The following DLG2 variants were observed in gnomAD, a reference collection of about 807,000 sequenced individuals.
DLG2 encodes the protein discs large MAGUK scaffold protein 2.
Under a neutral mutation model 132.5 loss-of-function variants are expected in DLG2, and 45 were observed. The observed-to-expected ratio is 0.34, with a 90% CI of 0.27 to 0.44. The LOEUF (loss-of-function observed/expected upper bound fraction) is 0.44, where lower values mean the gene tolerates loss of function less well. DLG2 is among the 20% of genes least tolerant of loss of function. DLG2 has a pLI of 1.00. For missense variants in DLG2, 1,045 were observed against 1,196.9 expected (o/e 0.87, Z 1.87); for synonymous variants, 424 against 419.6 (o/e 1.01, Z -0.13).
At chr11:85,563,850 G>A (rs942562285) in intron 3 of DLG2, among the ~76,000 whole-genome samples, 2 of 152,040 alleles carry the variant, frequency 1.3e-5, no homozygotes, top group African/African-American at 4.8e-5. Context: ...TGGAAAGGTA[G>A]GTTAAAATAA....
intron 6 of DLG2, among the ~76,000 whole-genome samples, chr11:85,066,303 TA>T (rs750495000): frequency 1.3e-5 from 2 of 151,320 alleles, no homozygotes; most frequent in African/African-American, 4.8e-5. Flanking sequence ...AAATTAGCAA[TA>T]AAAAACTCCC....
chr11:83,607,987 C>T (rs1033547168), intron 19 of DLG2, among the ~76,000 whole-genome samples: 1 of 152,156 alleles, frequency 6.6e-6, no homozygotes, highest in Non-Finnish European at 1.5e-5. Flanking sequence ...CTAGGATTGA[C>T]TGAAATGGGG....
intron 7 of DLG2, among the ~76,000 whole-genome samples, chr11:84,293,908 G>A (rs2098047222): frequency 1.3e-5 from 2 of 151,994 alleles, no homozygotes; most frequent in African/African-American, 4.8e-5. Context: ...ATATTCTACA[G>A]AAAAAAACAA....
chr11:84,922,988 G>T, intron 6 of DLG2: 1 of 1,538,498 alleles, frequency 6.5e-7, no homozygotes. Context: ...CCAGCAATCC[G>T]AAAAGTCCTG....
At chr11:85,121,850 A>C (rs1361631060) in intron 5 of DLG2, among the ~76,000 whole-genome samples, 1 of 152,298 alleles carries the variant, frequency 6.6e-6, no homozygotes, top group Non-Finnish European at 1.5e-5. Context: ...ACATGTACAT[A>C]TGTGTGTACA....
chr11:85,379,586 C>A (rs542224097), intron 3 of DLG2, among the ~76,000 whole-genome samples: 1 of 152,232 alleles, frequency 6.6e-6, no homozygotes, highest in Admixed American at 6.5e-5. Context: ...AATGTCAAAG[C>A]CATTTGGGTA....
At chr11:83,490,401 A>G (rs888680415) in intron 21 of DLG2, among the ~76,000 whole-genome samples, 7 of 152,074 alleles carry the variant, frequency 4.6e-5, no homozygotes, top group Non-Finnish European at 1.0e-4. Context: ...ATGGGATAAA[A>G]GAAAAGCTCT....
At chr11:83,597,649 G>A (rs894393523) in intron 19 of DLG2, among the ~76,000 whole-genome samples, 3 of 151,802 alleles carry the variant, frequency 2.0e-5, no homozygotes, top group African/African-American at 4.8e-5. Context: ...AGCCAGACAT[G>A]GTGGTGTGTT....
intron 6 of DLG2, among the ~76,000 whole-genome samples, chr11:85,098,863 T>A (rs1320666067): frequency 6.6e-6 from 1 of 152,208 alleles, no homozygotes; most frequent in Non-Finnish European, 1.5e-5. Flanking sequence ...GCCAATGAAA[T>A]ATTCAAATGT....
At chr11:85,245,053 A>G (rs556943781) in intron 4 of DLG2, among the ~76,000 whole-genome samples, 59 of 152,102 alleles carry the variant, frequency 3.9e-4, no homozygotes, top group African/African-American at 1.4e-3. Flanking sequence ...CTCATTAGTC[A>G]AAAAGGTAAA....
intron 12 of DLG2, among the ~76,000 whole-genome samples, chr11:83,976,032 T>C (rs577192960): frequency 6.6e-6 from 1 of 151,834 alleles, no homozygotes. Flanking sequence ...TTAAGATACA[T>C]ACGTTAAATT....
chr11:84,541,507 A>G (rs559056371), intron 6 of DLG2, among the ~76,000 whole-genome samples: 19 of 152,060 alleles, frequency 1.2e-4, no homozygotes, highest in Middle Eastern at 6.8e-3. Context: ...TATCTCTTTT[A>G]TGCTCCCATA....
intron 3 of DLG2, among the ~76,000 whole-genome samples, chr11:85,584,475 G>A (rs1483487804): frequency 6.6e-6 from 1 of 152,042 alleles, no homozygotes; most frequent in African/African-American, 2.4e-5. Context: ...ACATGCATGT[G>A]CAAGTGTCTT....
chr11:83,537,656 A>C (rs1182210862), intron 20 of DLG2, among the ~76,000 whole-genome samples: 1 of 151,840 alleles, frequency 6.6e-6, no homozygotes, highest in African/African-American at 2.4e-5. Context: ...CTCTCCTAAA[A>C]ATACAAAAAT....
intron 10 of DLG2, among the ~76,000 whole-genome samples, chr11:84,093,254 T>A (rs984770729): frequency 6.6e-6 from 1 of 152,150 alleles, no homozygotes; most frequent in African/African-American, 2.4e-5. Flanking sequence ...TCCGAGCTCA[T>A]GTGGTTGTGT....
chr11:85,285,195 TC>T, intron 4 of DLG2, 24 bp downstream of exon 4: 1 of 1,602,590 alleles, frequency 6.2e-7, no homozygotes, highest in South Asian at 1.1e-5. Context: ...ATTATTCAGT[TC>T]TTTTGGAAGT....
At chr11:84,544,320 T>C (rs1477159157) in intron 6 of DLG2, among the ~76,000 whole-genome samples, 2 of 152,186 alleles carry the variant, frequency 1.3e-5, no homozygotes, top group African/African-American at 4.8e-5. Context: ...GAGTATGGAA[T>C]TGCAAAATGA....
intron 15 of DLG2, among the ~76,000 whole-genome samples, chr11:83,909,958 G>C (rs1266615103): frequency 6.6e-6 from 1 of 152,176 alleles, no homozygotes; most frequent in Non-Finnish European, 1.5e-5. Context: ...TGATCCACTG[G>C]AGATTCTAAT....
At chr11:84,815,806 G>A (rs891445668) in intron 6 of DLG2, among the ~76,000 whole-genome samples, 3 of 152,150 alleles carry the variant, frequency 2.0e-5, no homozygotes, top group Admixed American at 6.5e-5. Flanking sequence ...GGGTTATGAT[G>A]AGAGGGTCTG....
Sources: allele counts gnomAD v4.1 joint callset (sites outside exome capture counted in the v4.1 genomes callset), GRCh38; gene constraint gnomAD v4.1.1; transcripts MANE v1.5; gene names NCBI Gene and HGNC (gene_info 2026-07-23, HGNC 2026-07-21).